RYR2: variants seen among roughly 807,000 people sequenced by gnomAD.
The protein encoded by RYR2 is ryanodine receptor 2, also known as cardiac muscle ryanodine receptor-calcium release channel.
Under a neutral mutation model 601.1 loss-of-function variants are expected in RYR2, and 227 were observed. The observed-to-expected ratio is 0.38, with a 90% confidence interval of 0.34 to 0.42. The LOEUF is 0.42. RYR2 is among the 10% of genes least tolerant of loss of function. The pLI, the probability that RYR2 is intolerant of heterozygous loss-of-function variation, is 1.00. For synonymous variants in RYR2, 2,223 were observed against 2,175.1 expected, an observed-to-expected ratio of 1.02 and a Z score of -0.61; for missense variants, 4,646 against 6,156.5, an observed-to-expected ratio of 0.75 and a Z score of 8.21.
intron 25 of RYR2, among the ~76,000 whole-genome samples, chr1:237,531,486 G>T (rs1668133083): frequency 6.6e-6 from 1 of 152,058 alleles, no homozygotes; most frequent in African/African-American, 2.4e-5. Flanking sequence ...TAAGTAGCAG[G>T]CCTGTAGATG....
intron 23 of RYR2, among the ~76,000 whole-genome samples, chr1:237,510,928 G>T (rs1376489673): frequency 6.6e-6 from 1 of 152,144 alleles, no homozygotes; most frequent in Non-Finnish European, 1.5e-5. Context: ...TGGATTTTGC[G>T]AAGGTAGTAG....
intron 1 of RYR2, among the ~76,000 whole-genome samples, chr1:237,219,890 T>A (rs902514645): frequency 6.6e-6 from 1 of 152,226 alleles, no homozygotes; most frequent in African/African-American, 2.4e-5. Flanking sequence ...TCTCCCCTTT[T>A]CATTTACTTG....
chr1:237,642,200 G>T (rs1048940721), intron 47 of RYR2, among the ~76,000 whole-genome samples: 3 of 152,154 alleles, frequency 2.0e-5, no homozygotes, highest in African/African-American at 4.8e-5. Flanking sequence ...TTTTGGTTGG[G>T]TTTTTTGTGT....
chr1:237,391,082 T>C (rs1362164505), intron 10 of RYR2, among the ~76,000 whole-genome samples: 2 of 152,172 alleles, frequency 1.3e-5, no homozygotes, highest in Non-Finnish European at 2.9e-5. Context: ...ATGATAAAAA[T>C]AATTCCTTGA....
At chr1:237,216,939 G>C (rs1683248476) in intron 1 of RYR2, among the ~76,000 whole-genome samples, 1 of 152,190 alleles carries the variant, frequency 6.6e-6, no homozygotes, top group Non-Finnish European at 1.5e-5. Flanking sequence ...TTACCAAAGT[G>C]AAGGACTCTT....
At chr1:237,658,153 A>G in intron 54 of RYR2, 131 bp downstream of exon 54, 1 of 463,672 alleles carries the variant, frequency 2.2e-6, no homozygotes, top group Non-Finnish European at 3.8e-6. Flanking sequence ...ATACTTAATT[A>G]CAATTAGCTT....
At chr1:237,392,448 C>A (rs917808719) in intron 10 of RYR2, among the ~76,000 whole-genome samples, 6 of 152,026 alleles carry the variant, frequency 3.9e-5, no homozygotes, top group Non-Finnish European at 8.8e-5. Context: ...ATATATATAC[C>A]TACTACATAC....
At chr1:237,320,013 CA>C (rs1185733403) in intron 2 of RYR2, among the ~76,000 whole-genome samples, 1 of 152,182 alleles carries the variant, frequency 6.6e-6, no homozygotes, top group African/African-American at 2.4e-5. Flanking sequence ...AGAACCTCCA[CA>C]TTAGTCGAGC....
chr1:237,798,489 T>TCAAC (rs1558440226), intron 97 of RYR2, among the ~76,000 whole-genome samples: 1 of 151,894 alleles, frequency 6.6e-6, no homozygotes, highest in Non-Finnish European at 1.5e-5. Context: ...AAAAACTCAA[T>TCAAC]ATATGGCTGT....
intron 2 of RYR2, among the ~76,000 whole-genome samples, chr1:237,328,759 A>G (rs772585638): frequency 6.6e-5 from 10 of 152,214 alleles, no homozygotes; most frequent in Middle Eastern, 3.2e-3. Flanking sequence ...GTAACCATAA[A>G]GCATCATTTT....
chr1:237,813,635 C>T (rs1661482141), intron 100 of RYR2, among the ~76,000 whole-genome samples: 2 of 152,176 alleles, frequency 1.3e-5, no homozygotes, highest in Admixed American at 1.3e-4. Context: ...ACTGCCTTCA[C>T]CTGGTTGATT....
chr1:237,472,830 G>C (rs1184302244), intron 17 of RYR2, among the ~76,000 whole-genome samples: 1 of 152,102 alleles, frequency 6.6e-6, no homozygotes, highest in East Asian at 1.9e-4. Flanking sequence ...TGACCAAGGA[G>C]TTCAAATTAG....
Position 237,728,554 on chromosome 1 carries a change from C to A in RYR2, c.10838+1355C>A, listed in dbSNP as rs774321015. Among the ~76,000 whole-genome samples, 26 of 151,950 alleles carry A rather than the reference C, an allele frequency of 1.7e-4. 1 individual carries two copies. The highest frequency in any genetic ancestry group is 6.0e-4 in the African/African-American group (25 of 41,354). ...AACCCAAATGCCCATCAATGATAGA[C>A]TGGATAAAGAAAAAGTGGCACATAT... On this transcript the variant is annotated intron_variant, in intron 76 of 104. Coordinates refer to ENST00000366574, the MANE Select transcript of RYR2 (RefSeq NM_001035.3).
At chr1:237,288,736 G>T (rs1379177495) in intron 2 of RYR2, among the ~76,000 whole-genome samples, 1 of 152,058 alleles carries the variant, frequency 6.6e-6, no homozygotes, top group Non-Finnish European at 1.5e-5. Flanking sequence ...CAGGGTACCT[G>T]CCTTCCAGCT....
intron 1 of RYR2, among the ~76,000 whole-genome samples, chr1:237,130,153 G>T (rs1049432006): frequency 2.6e-5 from 4 of 151,876 alleles, no homozygotes; most frequent in Non-Finnish European, 4.4e-5. Flanking sequence ...ATTAGTTTGA[G>T]TTAATCATTT....
intron 1 of RYR2, among the ~76,000 whole-genome samples, chr1:237,189,073 C>T (rs2148989508): frequency 6.6e-6 from 1 of 152,312 alleles, no homozygotes; most frequent in African/African-American, 2.4e-5. Context: ...CAGCCCTTGA[C>T]AACCACCTTT....
chr1:237,156,092 A>G (rs542941611), intron 1 of RYR2, among the ~76,000 whole-genome samples: 19 of 152,240 alleles, frequency 1.2e-4, no homozygotes, highest in African/African-American at 4.3e-4. Context: ...TGGTCCTTCA[A>G]TCGTGGCTTG....
intron 1 of RYR2, among the ~76,000 whole-genome samples, chr1:237,113,677 A>C (rs530757848): frequency 6.6e-6 from 1 of 152,300 alleles, no homozygotes; most frequent in African/African-American, 2.4e-5. Context: ...AGTGTAAAAA[A>C]TCCACATAGT....
At chr1:237,061,246 TATCTATC>T (rs1410812670) in intron 1 of RYR2, among the ~76,000 whole-genome samples, 12 of 105,038 alleles carry the variant, frequency 1.1e-4, no homozygotes, top group African/African-American at 2.6e-4. Flanking sequence ...TCTATCTATC[TATCTATC>T]ATCTATCTAT....
Sources: allele counts gnomAD v4.1 joint callset (sites outside exome capture counted in the v4.1 genomes callset), GRCh38; gene constraint gnomAD v4.1.1; transcripts MANE v1.5; gene names NCBI Gene and HGNC (gene_info 2026-07-23, HGNC 2026-07-21).